SYNPR: variants seen among roughly 807,000 people sequenced by gnomAD.
SYNPR encodes synaptoporin.
SYNPR carries 23 observed loss-of-function variants against 32.9 expected under a neutral mutation model. The ratio of observed to expected loss-of-function variants is 0.70; its 90% CI spans 0.50 to 0.99. The LOEUF (loss-of-function observed/expected upper bound fraction) is 0.99, where lower values mean the gene tolerates loss of function less well. Among genes scored for constraint, SYNPR ranks in the 50% least tolerant of loss-of-function variants. The pLI is 0.00. For synonymous variants in SYNPR, 146 were observed against 135.9 expected (o/e 1.07, Z -0.52); for missense variants, 318 against 349.3 (o/e 0.91, Z 0.71).
At chr3:63,552,308 A>G (rs1359464054) in intron 3 of SYNPR, among the ~76,000 whole-genome samples, 1 of 152,198 alleles carries the variant, frequency 6.6e-6, no homozygotes, top group Admixed American at 6.5e-5. Flanking sequence ...CCTGTGTCAG[A>G]ATAATTGACA....
intron 2 of SYNPR, among the ~76,000 whole-genome samples, chr3:63,471,640 C>A (rs1030827955): frequency 8.5e-5 from 13 of 152,204 alleles, no homozygotes; most frequent in Non-Finnish European, 1.6e-4. Flanking sequence ...GTTAACAAAA[C>A]CTTTCTGCGC....
the SYNPR span, chr3:63,203,068 G>GTGTATATATATATATATATATATATATA: frequency 9.2e-6 from 1 of 108,586 alleles, no homozygotes; most frequent in African/African-American, 4.6e-5. Context: ...ATATGTATGT[G>GTGTATATATATATATATATATATATATA]TATATATATA....
At chr3:63,346,700 T>G (rs1277119840) in intron 2 of SYNPR, among the ~76,000 whole-genome samples, 1 of 152,154 alleles carries the variant, frequency 6.6e-6, no homozygotes, top group Non-Finnish European at 1.5e-5. Flanking sequence ...CTTGATCTCC[T>G]GACCTCGTGA....
chr3:63,595,589 T>C (rs35084204), intron 4 of SYNPR, among the ~76,000 whole-genome samples: 1 of 150,008 alleles, frequency 6.7e-6, no homozygotes, highest in South Asian at 2.1e-4. Flanking sequence ...ACTCATAAAA[T>C]ACAAACAGTA....
intron 3 of SYNPR, among the ~76,000 whole-genome samples, chr3:63,499,059 T>G (rs943560609): frequency 1.3e-5 from 2 of 152,110 alleles, no homozygotes; most frequent in African/African-American, 2.4e-5. Flanking sequence ...AAAAATTTTT[T>G]CTGGTGCAGT....
Position 63,266,041 on chromosome 3 carries a change from G to C in SYNPR, n.155-1276G>C, listed in dbSNP as rs148965663. Among the ~76,000 whole-genome samples the C allele has an allele frequency of 3.3e-3, 507 of 152,114 alleles. 2 individuals carry two copies. The highest frequency in any genetic ancestry group is 0.011 in the African/African-American group (454 of 41,494). On this transcript the variant is annotated intron_variant and non_coding_transcript_variant, in intron 2 of 4. Coordinates refer to the SYNPR transcript ENST00000478456. ...TCTACAAGTGAAAAAATTGATTCTA[G>C]AAACACAGACTCTAGCAAACCTGGC...
At chr3:63,414,925 A>G (rs1375522621) in intron 2 of SYNPR, among the ~76,000 whole-genome samples, 3 of 152,202 alleles carry the variant, frequency 2.0e-5, no homozygotes, top group Non-Finnish European at 4.4e-5. Flanking sequence ...TATCTCTAAA[A>G]GTGCAAAATT....
At chr3:63,393,494 C>T (rs1158335439) in intron 2 of SYNPR, among the ~76,000 whole-genome samples, 2,827 of 101,122 alleles carry the variant, frequency 0.028, 116 homozygotes, top group African/African-American at 0.1. Context: ...TTTCTTTCTT[C>T]TCTTTTTTTT....
At chr3:63,289,419 C>T (rs73121115) in intron 2 of SYNPR, 7,146 of 163,716 alleles carry the variant, frequency 0.044, 237 homozygotes, top group Middle Eastern at 0.084. Flanking sequence ...TGGTGAAGGC[C>T]TCAGGCTGCT....
chr3:63,404,120 C>T (rs1162749304), intron 2 of SYNPR, among the ~76,000 whole-genome samples: 1 of 152,112 alleles, frequency 6.6e-6, no homozygotes, highest in Admixed American at 6.5e-5. Context: ...ACAGAGCATT[C>T]GTTTTTATCC....
At chr3:63,316,269 CCTTCTTTCT>C (rs763680455) in intron 2 of SYNPR, among the ~76,000 whole-genome samples, 29 of 151,918 alleles carry the variant, frequency 1.9e-4, no homozygotes, top group Non-Finnish European at 3.4e-4. Context: ...TGGGAGGGTT[CCTTCTTTCT>C]CTATCTTGTG....
At chr3:63,449,132 GAAAGA>G (rs1700334638) in intron 2 of SYNPR, among the ~76,000 whole-genome samples, 2 of 152,094 alleles carry the variant, frequency 1.3e-5, no homozygotes, top group Admixed American at 6.6e-5. Context: ...GCTTTGAAAG[GAAAGA>G]AAAGTAAAGA....
chr3:63,484,898 T>C (rs1435416202), intron 3 of SYNPR, among the ~76,000 whole-genome samples: 1 of 152,162 alleles, frequency 6.6e-6, no homozygotes, highest in Admixed American at 6.5e-5. Flanking sequence ...GCCACTTTTT[T>C]CCCTGATTAT....
At chr3:63,525,886 A>AG (rs1559526357) in intron 3 of SYNPR, among the ~76,000 whole-genome samples, 2 of 152,202 alleles carry the variant, frequency 1.3e-5, no homozygotes, top group African/African-American at 4.8e-5. Context: ...CTTCTTGTAC[A>AG]GCCTGCAGAA....
intron 2 of SYNPR, among the ~76,000 whole-genome samples, chr3:63,477,512 G>A (rs947534197): frequency 6.6e-6 from 1 of 152,192 alleles, no homozygotes; most frequent in South Asian, 2.1e-4. Flanking sequence ...AAGAACACTT[G>A]AGAGATAGCA....
intron 3 of SYNPR, among the ~76,000 whole-genome samples, chr3:63,522,763 G>C (rs1303688641): frequency 6.6e-6 from 1 of 152,108 alleles, no homozygotes; most frequent in Non-Finnish European, 1.5e-5. Context: ...ACAGCAGAGG[G>C]AGCATAGCGG....
intron 4 of SYNPR, among the ~76,000 whole-genome samples, chr3:63,595,813 ATAG>A (rs1699941925): frequency 2.9e-5 from 2 of 69,220 alleles, no homozygotes; most frequent in African/African-American, 1.2e-4. Context: ...ATATATATAT[ATAG>A]TTTTATATAT....
chr3:63,203,068 G>GTGTATATATA, the SYNPR span: 294 of 108,494 alleles, frequency 2.7e-3, 6 homozygotes, highest in African/African-American at 0.012. Context: ...ATATGTATGT[G>GTGTATATATA]TATATATATA....
At chr3:63,274,339 A>G (rs956231137), upstream of SYNPR, among the ~76,000 whole-genome samples, 2 of 152,204 alleles carry the variant, frequency 1.3e-5, no homozygotes, top group African/African-American at 4.8e-5. Context: ...TTGACTCAAG[A>G]TTAACCCTCT....
Sources: gnomAD v4.1 joint callset for allele counts (sites outside exome capture counted in the v4.1 genomes callset) on GRCh38, gnomAD v4.1.1 for gene constraint, MANE v1.5 for transcripts, NCBI Gene and HGNC (gene_info 2026-07-23, HGNC 2026-07-21) for gene names.